CHD2: variants seen among roughly 807,000 people sequenced by gnomAD.
CHD2 encodes chromodomain helicase DNA binding protein 2, also known as ATP-dependent chromatin remodeler CHD2.
A neutral mutation model predicts 243.9 loss-of-function variants in CHD2; 28 were observed. The ratio of observed to expected loss-of-function variants is 0.11; its 90% CI spans 0.09 to 0.16. The LOEUF (loss-of-function observed/expected upper bound fraction) is 0.16, where lower values mean the gene tolerates loss of function less well. Ranked by LOEUF, CHD2 falls within the 10% of genes least tolerant of loss-of-function variation. CHD2 has a pLI of 1.00. For missense variants in CHD2, 1,386 were observed against 2,209.8 expected, an observed-to-expected ratio of 0.63 and a Z score of 7.47; for synonymous variants, 775 against 779.0, an observed-to-expected ratio of 0.99 and a Z score of 0.09.
intron 2 of CHD2, among the ~76,000 whole-genome samples, chr15:92,923,559 T>A (rs958292666): frequency 6.1e-5 from 9 of 146,794 alleles, no homozygotes; most frequent in Non-Finnish European, 1.4e-4. Flanking sequence ...TGTGTCCAGC[T>A]TGTTTTTTTT....
intron 5 of CHD2, among the ~76,000 whole-genome samples, chr15:92,936,527 A>G (rs2053270057): frequency 6.6e-6 from 1 of 152,228 alleles, no homozygotes; most frequent in African/African-American, 2.4e-5. Context: ...TTGGGATAGT[A>G]GGACGCCTGT....
intron 2 of CHD2, among the ~76,000 whole-genome samples, chr15:92,918,305 G>T (rs1340343995): frequency 6.6e-6 from 1 of 151,892 alleles, no homozygotes; most frequent in African/African-American, 2.4e-5. Flanking sequence ...TTTCTCATCA[G>T]CATTTATTTT....
intron 3 of CHD2, 58 bp downstream of exon 3, chr15:92,924,610 C>G: frequency 2.7e-6 from 4 of 1,461,910 alleles, no homozygotes; most frequent in Non-Finnish European, 2.9e-6. Context: ...GCTAGCAGAC[C>G]TTTGTTGTTC....
chr15:92,979,338 G>A (rs2053947990), intron 22 of CHD2, 55 bp downstream of exon 22: 2 of 1,584,012 alleles, frequency 1.3e-6, no homozygotes, highest in Non-Finnish European at 1.7e-6. Context: ...CTACATCACT[G>A]TTGGATATAA....
At position 92,929,962 on chromosome 15, in the gene CHD2, A is replaced by C. The variant is rs115233610; in HGVS notation, c.443+871A>C. Among the ~76,000 whole-genome samples the C allele has an allele frequency of 6.7e-3, 1,021 of 152,338 alleles. 12 individuals are homozygous for C. The highest frequency in any genetic ancestry group is 0.022 in the African/African-American group (927 of 41,584). ...ACCATCTACCCAACAGGATTATTAG[A>C]AACTATGCTAAGATTTTGTGACATT... On this transcript the variant is annotated intron_variant, in intron 5 of 38. Transcript: ENST00000394196.
chr15:92,942,252 C>T (rs138050621), intron 8 of CHD2, among the ~76,000 whole-genome samples: 35 of 152,238 alleles, frequency 2.3e-4, no homozygotes, highest in Non-Finnish European at 4.9e-4. Flanking sequence ...GTTTCTTAAG[C>T]TCCTTGTGAA....
rs945805808 is a variant in CHD2, at chr15:92,945,663, G to C, written c.1154-158G>C. On this transcript the variant is annotated intron_variant, in intron 10 of 38. Coordinates refer to ENST00000394196, the MANE Select transcript of CHD2 (RefSeq NM_001271.4). The stretch of plus-strand genomic sequence containing the variant: ...TCTGCCTGCCTTGGCCTCCCAAAGT[G>C]CTGGGATTACAGGCGTGAGCCACTA... The C allele has an allele frequency of 4.4e-5, 18 of 409,656 alleles. No homozygotes were observed. The South Asian group carries it at 5.0e-4, about 11-fold the overall frequency. The allele number at this position is 409,656 out of a possible 1,614,324, so 25.4% of individuals were successfully genotyped here. A position where few individuals can be genotyped will look rare whatever the true frequency, so the allele number is the denominator to read the frequency against.
intron 35 of CHD2, among the ~76,000 whole-genome samples, chr15:93,011,239 C>A (rs919662706): frequency 1.3e-5 from 2 of 152,060 alleles, no homozygotes; most frequent in African/African-American, 4.8e-5. Context: ...CAAGGTAAGC[C>A]CTCGGAGAAA....
chr15:92,952,759 T>C (rs1217251039), intron 13 of CHD2, among the ~76,000 whole-genome samples: 1 of 152,220 alleles, frequency 6.6e-6, no homozygotes, highest in Non-Finnish European at 1.5e-5. Context: ...TGAGTCAGAA[T>C]CTCCAAAGGT....
rs772268139 is a variant in CHD2 at position 92,946,099 on chromosome 15, C to A, written c.1260C>A (p.Leu420=). Residue 420 remains leucine (L), a synonymous_variant, in exon 12 of 39, where the codon CTC becomes CTA. Transcript: ENST00000394196. ...AATATCTATGTAAATGGATGGGACT[C>A]CCCTATTCAGAGTGTAGCTGGGAAG... is the stretch of plus-strand genomic sequence containing the variant. ...EPEYLCKWMG[L]PYSECSWEDE... The A allele has an allele frequency of 6.2e-7, 1 of 1,612,886 alleles. No individual in the cohort carries two copies. Among genetic ancestry groups the A allele is most frequent in the Non-Finnish European group, 8.5e-7 (1 of 1,179,208 alleles).
At position 92,943,019 on chromosome 15, in the gene CHD2, C is replaced by G; in HGVS notation, c.1003C>G (p.Leu335Val). 1 of 1,613,602 alleles carries G rather than the reference C, an allele frequency of 6.2e-7. No homozygotes were observed. The highest frequency in any genetic ancestry group is 8.5e-7 in the Non-Finnish European group (1 of 1,179,848). ...CTTACAGCAACAGAAAGTGAAGGGC[C>G]TAAAAAAACTAGAGAACTTCAAGAA... Reference protein sequence around the residue: ...ESLQQQKVKGLKKLENFKKKE... With the variant: ...ESLQQQKVKGVKKLENFKKKE... Residue 335 changes from leucine (L) to valine (V), a missense_variant, in exon 9 of 39, where the codon CTA (leucine) becomes GTA (valine). Transcript: ENST00000394196.
intron 5 of CHD2, among the ~76,000 whole-genome samples, chr15:92,934,367 C>A (rs1462303467): frequency 6.6e-6 from 1 of 152,136 alleles, no homozygotes; most frequent in Non-Finnish European, 1.5e-5. Context: ...TATTTTTCTC[C>A]CTAGTTCTCA....
intron 15 of CHD2, among the ~76,000 whole-genome samples, chr15:92,955,745 A>T (rs1440356014): frequency 2.0e-5 from 3 of 152,256 alleles, no homozygotes; most frequent in African/African-American, 7.2e-5. Flanking sequence ...TTAACGTTAT[A>T]AATAGAAAAC....
intron 23 of CHD2, 138 bp downstream of exon 23, chr15:92,981,049 A>G: frequency 1.5e-6 from 1 of 678,872 alleles, no homozygotes; most frequent in African/African-American, 1.8e-5. Context: ...TTTCTTTCGT[A>G]GGAATCTCAT....
Position 93,000,596 on chromosome 15 carries a change from T to C in CHD2, c.4093T>C (p.Ser1365Pro). 6.2e-7 allele frequency: 1 copy of C among 1,613,732 alleles called. No homozygotes were observed. Among genetic ancestry groups the C allele is most frequent in the Non-Finnish European group, 8.5e-7 (1 of 1,179,722 alleles). Residue 1365 changes from serine to proline, a missense_variant, in exon 32 of 39, where the codon TCT (serine) becomes CCT (proline). Coordinates refer to ENST00000394196, the MANE Select transcript of CHD2 (RefSeq NM_001271.4). ...AGAGGAGCATGGAATTGAGCTTTCA[T>C]CTCCTAGGCATTCAGATAATCCATC... is the stretch of plus-strand genomic sequence containing the variant. ...LKEEHGIELSSPRHSDNPSEE... is the reference protein window; with the variant it reads ...LKEEHGIELSPPRHSDNPSEE...
intron 2 of CHD2, among the ~76,000 whole-genome samples, chr15:92,903,606 T>G (rs958495135): frequency 1.3e-4 from 20 of 152,242 alleles, no homozygotes; most frequent in African/African-American, 4.8e-4. Flanking sequence ...TTGATTGATA[T>G]TTGTAAAATT....
At chr15:92,905,922 A>T (rs1273589396) in intron 2 of CHD2, among the ~76,000 whole-genome samples, 1 of 152,184 alleles carries the variant, frequency 6.6e-6, no homozygotes, top group Non-Finnish European at 1.5e-5. Context: ...TAGAGACTGA[A>T]TTCTAATTAG....
intron 22 of CHD2, among the ~76,000 whole-genome samples, chr15:92,979,943 T>C (rs956303248): frequency 1.3e-5 from 2 of 151,670 alleles, no homozygotes; most frequent in African/African-American, 4.8e-5. Context: ...ATCAATATTA[T>C]CAAGATAATA....
intron 14 of CHD2, 171 bp downstream of exon 14, chr15:92,953,744 T>C (rs866018155): frequency 1.6e-5 from 10 of 625,930 alleles, no homozygotes; most frequent in Middle Eastern, 8.6e-4. Context: ...TCAGATGTTC[T>C]TTAACAAATA....
Sources: gnomAD v4.1 joint callset for allele counts (sites outside exome capture counted in the v4.1 genomes callset) on GRCh38, gnomAD v4.1.1 for gene constraint, MANE v1.5 for transcripts, NCBI Gene and HGNC (gene_info 2026-07-23, HGNC 2026-07-21) for gene names.